Variants in RLF observed in about 807,000 individuals in gnomAD.
RLF encodes the protein zinc finger protein Rlf.
In RLF, 7 loss-of-function variants were observed where a neutral mutation model predicts 162.9. The observed-to-expected ratio is 0.04, with a 90% confidence interval of 0.02 to 0.08. The LOEUF is 0.08. Ranked by LOEUF, RLF falls within the 10% of genes least tolerant of loss-of-function variation. RLF has a pLI of 1.00. For synonymous variants in RLF, 782 were observed against 791.5 expected, an observed-to-expected ratio of 0.99 and a Z score of 0.20; for missense variants, 1,664 against 2,244.7, an observed-to-expected ratio of 0.74 and a Z score of 5.23.
chr1:40,185,211 C>T (rs1642458080), intron 1 of RLF, among the ~76,000 whole-genome samples: 1 of 151,890 alleles, frequency 6.6e-6, no homozygotes, highest in Non-Finnish European at 1.5e-5. Context: ...GATTGAACCA[C>T]TGAACTCTAG....
In RLF at chr1:40,173,091, TG is replaced by T. The variant is rs199545483; in HGVS notation, c.237+11456del. ...CATTCAGGTTTTTTTTTTTTTTTTT[TG>T]TGAGGCAGAGTTTTGCTCTTATTGC... On this transcript the variant is annotated intron_variant, in intron 1 of 7. Coordinates refer to ENST00000372771, the MANE Select transcript of RLF (RefSeq NM_012421.4). 6.2e-3 allele frequency among the ~76,000 whole-genome samples: 913 copies of T among 146,152 alleles called. 65 individuals are homozygous for T. The highest frequency in any genetic ancestry group is 0.018 in the African/African-American group (709 of 39,902).
Position 40,238,533 on chromosome 1 carries a change from C to T in RLF, c.3831C>T (p.Ser1277=), listed in dbSNP as rs767972048. ...CTGACATTTCATCACCAATAGGCAG[C>T]CATAGAGAAGAACAAGAAGGAAGAG... ...KTSDISSPIG[S]HREEQEGREG... is the part of the protein sequence containing the mutation. The change falls in exon 8 of 8, where the codon AGC becomes AGT. Residue 1277 remains serine, a synonymous_variant. Coordinates refer to ENST00000372771, the MANE Select transcript of RLF (RefSeq NM_012421.4). This position sits in a 1 kb window ranked among gnomAD's most constrained non-coding sequence, Gnocchi z 5.2. 3.1e-6 allele frequency: 5 copies of T among 1,613,758 alleles called. No homozygotes were observed. The highest frequency in any genetic ancestry group is 4.2e-6 in the Non-Finnish European group (5 of 1,179,998).
chr1:40,166,821 A>C (rs1020083925), intron 1 of RLF, among the ~76,000 whole-genome samples: 2 of 117,264 alleles, frequency 1.7e-5, no homozygotes, highest in Admixed American at 2.5e-4. Context: ...ACTTGGACGC[A>C]GGGTGGGGAA....
At chr1:40,170,543 C>T (rs752262059) in intron 1 of RLF, among the ~76,000 whole-genome samples, 14 of 152,250 alleles carry the variant, frequency 9.2e-5, no homozygotes, top group Admixed American at 5.2e-4. Context: ...CCAACTTGCC[C>T]GGCCTCCTTT....
rs183240212 is a variant in RLF at position 40,229,418 on chromosome 1, T to A, written c.948-2099T>A. Among the ~76,000 whole-genome samples, 142 of 151,934 alleles carry A rather than the reference T, an allele frequency of 9.3e-4. 1 individual carries two copies. The highest frequency in any genetic ancestry group is 3.3e-3 in the African/African-American group (138 of 41,434). ...TAATTATATTGGTTATAGCTCAAAT[T>A]TGCCATCCTGTTAAGCTTTATTCAT... is the stretch of plus-strand genomic sequence containing the variant. On this transcript the variant is annotated intron_variant, in intron 6 of 7. Coordinates refer to ENST00000372771, the MANE Select transcript of RLF (RefSeq NM_012421.4).
At position 40,239,222 on chromosome 1, in the gene RLF, C is replaced by T; in HGVS notation, c.4520C>T (p.Thr1507Ile). 6.2e-7 allele frequency: 1 copy of T among 1,614,056 alleles called. No individual in the cohort carries two copies. Among genetic ancestry groups the T allele is most frequent in the Non-Finnish European group, 8.5e-7 (1 of 1,180,006 alleles). Residue 1507 changes from threonine (T) to isoleucine (I), a missense_variant, in exon 8 of 8, where the codon ACC (threonine) becomes ATC (isoleucine). By Grantham distance (89) the Thr-to-Ile change is moderately conservative. This residue lies in a region of RLF where 200 missense variants were observed against 207.3 expected (regional missense o/e 0.96). Transcript: ENST00000372771. ...ADTQGHEHQT[T>I]RRSFNAKSKK... ...ACTCAGGGGCATGAACATCAGACCA[C>T]CAGGAGATCATTTAATGCTAAGTCT...
chr1:40,222,401 G>A (rs924238436), intron 5 of RLF, among the ~76,000 whole-genome samples, 173 bp from the exon 6 acceptor site: 3 of 152,130 alleles, frequency 2.0e-5, no homozygotes, highest in African/African-American at 7.2e-5. Flanking sequence ...TATAGTGTCT[G>A]TTCCCTTCTT....
At position 40,218,284 on chromosome 1, in the gene RLF, C is replaced by T. The variant is rs142290167; in HGVS notation, c.811-4290C>T. Among the ~76,000 whole-genome samples the T allele has an allele frequency of 1.2e-4, 18 of 152,270 alleles. 1 individual carries two copies. The East Asian group carries it at 3.1e-3, about 26-fold the overall frequency. On this transcript the variant is annotated intron_variant, in intron 5 of 7. Transcript: ENST00000372771. The stretch of plus-strand genomic sequence containing the variant: ...ATATGGTTGCCTTTCAAAGGTCTTC[C>T]GTCTTCTGAGGGCAAAAGCCTCATT...
At chr1:40,214,786 G>A (rs991444979) in intron 5 of RLF, among the ~76,000 whole-genome samples, 2 of 151,450 alleles carry the variant, frequency 1.3e-5, no homozygotes, top group Admixed American at 6.6e-5. Flanking sequence ...AGCTGGGTGT[G>A]GTAGTGTGCA....
At chr1:40,228,980 T>G (rs1430497935) in intron 6 of RLF, among the ~76,000 whole-genome samples, 1 of 152,012 alleles carries the variant, frequency 6.6e-6, no homozygotes, top group Admixed American at 6.6e-5. Flanking sequence ...GCTTTTTTTG[T>G]TTGGTTGGTT....
intron 6 of RLF, among the ~76,000 whole-genome samples, chr1:40,230,681 C>G (rs1215368833): frequency 2.0e-5 from 3 of 152,144 alleles, no homozygotes; most frequent in East Asian, 1.9e-4. Context: ...GATCTGCCCC[C>G]CTTCACCTCC....
Position 40,240,516 on chromosome 1 carries a change from A to ATC in RLF, c.*69_*70insTC. On this transcript the variant is annotated 3_prime_UTR_variant, in exon 8 of 8. Coordinates refer to ENST00000372771, the MANE Select transcript of RLF (RefSeq NM_012421.4). ...CATGGGGACATTTGCCAACTCGAAC[A>ATC]AAGGCTGAGAAGCAGCCACACCGTT... The ATC allele has an allele frequency of 9.0e-7, 1 of 1,113,498 alleles. No homozygotes were observed. The highest frequency in any genetic ancestry group is 1.5e-5 in the South Asian group (1 of 68,922). 69.0% of individuals were successfully genotyped at this position (1,113,498 alleles called of 1,614,324 possible).
At chr1:40,173,501 T>C (rs991784284) in intron 1 of RLF, among the ~76,000 whole-genome samples, 2 of 150,680 alleles carry the variant, frequency 1.3e-5, no homozygotes, top group African/African-American at 4.9e-5. Context: ...TGTCCAATCA[T>C]TATGATCATG....
chr1:40,165,082 A>G (rs1483572331), intron 1 of RLF, among the ~76,000 whole-genome samples: 1 of 151,936 alleles, frequency 6.6e-6, no homozygotes, highest in African/African-American at 2.4e-5. Flanking sequence ...AAGCAAATTC[A>G]TTGTTGTAAG....
intron 5 of RLF, among the ~76,000 whole-genome samples, chr1:40,212,232 G>A (rs886529430): frequency 4.6e-5 from 7 of 152,172 alleles, no homozygotes; most frequent in Non-Finnish European, 1.0e-4. Context: ...GGAAGATTTA[G>A]CCAGACACAT....
intron 5 of RLF, among the ~76,000 whole-genome samples, chr1:40,214,591 CTATA>C (rs1642899938): frequency 6.6e-6 from 1 of 151,984 alleles, no homozygotes; most frequent in Non-Finnish European, 1.5e-5. Flanking sequence ...TGAGGCCCAA[CTATA>C]TATTCAGAGA....
At chr1:40,178,466 G>A (rs1339095984) in intron 1 of RLF, among the ~76,000 whole-genome samples, 1 of 152,138 alleles carries the variant, frequency 6.6e-6, no homozygotes, top group East Asian at 1.9e-4. Context: ...CAGGAGTTCA[G>A]TGGGTAGACG....
At position 40,195,515 on chromosome 1, in the gene RLF, AT is replaced by A. The variant is rs577777048; in HGVS notation, c.475-113del. The stretch of plus-strand genomic sequence containing the variant: ...TGAGTATAGTCTTTTTTGGTTACTT[AT>A]TTTCAGGAAATCCAAATAGGTTCTT... On this transcript the variant is annotated intron_variant, in intron 3 of 7. Coordinates refer to ENST00000372771, the MANE Select transcript of RLF (RefSeq NM_012421.4). 35 of 792,290 alleles carry A rather than the reference AT, an allele frequency of 4.4e-5. No homozygotes were observed. In the East Asian group the frequency reaches 9.6e-4, roughly 22 times the overall value. The allele number at this position is 792,290 out of a possible 1,614,324, so 49.1% of individuals were successfully genotyped here.
In RLF at chr1:40,239,596, A is replaced by G; in HGVS notation, c.4894A>G (p.Ser1632Gly). 1 of 1,614,176 alleles carries G rather than the reference A, an allele frequency of 6.2e-7. No individual in the cohort carries two copies. Among genetic ancestry groups the G allele is most frequent in the Non-Finnish European group, 8.5e-7 (1 of 1,180,026 alleles). The change falls in exon 8 of 8, where the codon AGT becomes GGT. Residue 1632 changes from serine to glycine, a missense_variant. Ser to Gly is a moderately conservative substitution (Grantham distance 56). Transcript: ENST00000372771. Reference sequence around the variant, plus strand: ...AGAACACAGCCATTCCCCGGGTGACAGTAGTGCACCCATCCAGAACACTGA... The same window carrying G: ...AGAACACAGCCATTCCCCGGGTGACGGTAGTGCACCCATCCAGAACACTGA... ...RTEHSHSPGD[S>G]SAPIQNTDCC...
Sources: gnomAD v4.1 joint callset for allele counts (sites outside exome capture counted in the v4.1 genomes callset) on GRCh38, gnomAD v4.1.1 for gene constraint, gnomAD v4.1.1 regional missense constraint, Gnocchi (gnomAD v3.1) non-coding constraint, MANE v1.5 for transcripts, NCBI Gene and HGNC (gene_info 2026-07-23, HGNC 2026-07-21) for gene names.